Variants in HMGA2 observed in about 807,000 individuals in gnomAD.
HMGA2 encodes high mobility group protein HMGI-C.
In HMGA2, 8 loss-of-function variants were observed where a neutral mutation model predicts 19.1. The observed-to-expected ratio is 0.42, with a 90% confidence interval of 0.25 to 0.76. The LOEUF is 0.76. Ranked by LOEUF, HMGA2 falls within the 30% of genes least tolerant of loss-of-function variation. HMGA2 has a pLI of 0.28. For synonymous variants in HMGA2, 60 were observed against 48.8 expected (o/e 1.23, Z -0.96); for missense variants, 109 against 136.3 (o/e 0.80, Z 1.00).
Position 65,951,428 on chromosome 12 carries a change from C to A in HMGA2, c.282+13C>A. ...GAAGCCTGCTCAGGTAAGACATAGT[C>A]ATTAATTTTTTTCTCCCAATTAATA... On this transcript the variant is annotated intron_variant, in intron 4 of 4. Coordinates refer to ENST00000403681, the MANE Select transcript of HMGA2 (RefSeq NM_003483.6). 6.6e-7 allele frequency: 1 copy of A among 1,508,046 alleles called. No homozygotes were observed. Among genetic ancestry groups the A allele is most frequent in the South Asian group, 1.2e-5 (1 of 81,208 alleles). 93.4% of individuals were successfully genotyped at this position (1,508,046 alleles called of 1,614,324 possible).
rs1180942808 is a variant in HMGA2 at position 65,888,554 on chromosome 12, C to CTTTT, written c.249+50009_249+50012dup. On this transcript the variant is annotated intron_variant, in intron 3 of 4. Transcript: ENST00000403681. ...AGGAATAGAGTGCCCGTGGTGTGCTCTTTTTTTTTTTTTTTTTTTTTTTTT... is the reference window on the plus strand; with the variant it reads ...AGGAATAGAGTGCCCGTGGTGTGCTCTTTTTTTTTTTTTTTTTTTTTTTTTTTTT... Among the ~76,000 whole-genome samples the CTTTT allele has an allele frequency of 6.7e-3, 270 of 40,580 alleles. 100 individuals carry two copies. The highest frequency in any genetic ancestry group is 0.016 in the African/African-American group (160 of 9,950). The allele number at this position is 40,580 out of a possible 152,430, so 26.6% of individuals were successfully genotyped here. A position where few individuals can be genotyped will look rare whatever the true frequency, so the allele number is the denominator to read the frequency against.
intron 3 of HMGA2, among the ~76,000 whole-genome samples, chr12:65,878,388 G>A (rs1873169921): frequency 6.6e-6 from 1 of 152,194 alleles, no homozygotes; most frequent in Non-Finnish European, 1.5e-5. Flanking sequence ...TAATACATGT[G>A]TAATAGTAAA....
intron 2 of HMGA2, among the ~76,000 whole-genome samples, chr12:65,834,399 C>T (rs1406035110): frequency 6.6e-6 from 1 of 152,160 alleles, no homozygotes; most frequent in Non-Finnish European, 1.5e-5. Flanking sequence ...TTCTTCTTTG[C>T]TAAATGAGAG....
intron 3 of HMGA2, among the ~76,000 whole-genome samples, chr12:65,864,830 C>T (rs1458526094): frequency 6.6e-6 from 1 of 152,028 alleles, no homozygotes; most frequent in African/African-American, 2.4e-5. Flanking sequence ...TCCATTTTTT[C>T]ACTTCAGCTC....
chr12:65,846,289 T>C (rs1425856896), intron 3 of HMGA2, among the ~76,000 whole-genome samples: 1 of 152,232 alleles, frequency 6.6e-6, no homozygotes, highest in East Asian at 1.9e-4. Flanking sequence ...GAATGGCTGC[T>C]GGTCAAGCTT....
At chr12:65,850,655 A>G (rs146954558) in intron 3 of HMGA2, among the ~76,000 whole-genome samples, 35 of 152,278 alleles carry the variant, frequency 2.3e-4, no homozygotes, top group African/African-American at 8.2e-4. Context: ...TTATATCCAT[A>G]AGGCAAACAC....
rs11175962 is a variant in HMGA2 at position 65,921,164 on chromosome 12, T to C, written c.250-30219T>C. Among the ~76,000 whole-genome samples, 351 of 152,326 alleles carry C rather than the reference T, an allele frequency of 2.3e-3. 3 individuals carry two copies. Among genetic ancestry groups the C allele is most frequent in the African/African-American group, 7.8e-3 (324 of 41,574 alleles). ...CTAGAGATTTGTGGAACTTTGAACTTGAGAGAGATGATTTAGAGTATCTTG... is the reference window on the plus strand; with the variant it reads ...CTAGAGATTTGTGGAACTTTGAACTCGAGAGAGATGATTTAGAGTATCTTG... On this transcript the variant is annotated intron_variant, in intron 3 of 4. Coordinates refer to ENST00000403681, the MANE Select transcript of HMGA2 (RefSeq NM_003483.6).
intron 2 of HMGA2, 141 bp downstream of exon 2, chr12:65,828,228 T>C (rs955005096): frequency 1.0e-5 from 7 of 702,482 alleles, no homozygotes; most frequent in Non-Finnish European, 1.3e-5. Context: ...CATTTAACAT[T>C]AGTTAGATGC....
chr12:65,881,791 G>A (rs548052021), intron 3 of HMGA2: 9 of 703,080 alleles, frequency 1.3e-5, no homozygotes, highest in African/African-American at 8.7e-5. Context: ...TGCTGATCCC[G>A]GAACTGGCCT....
At chr12:65,940,781 G>GCAAAA in intron 3 of HMGA2, among the ~76,000 whole-genome samples, 1 of 152,142 alleles carries the variant, frequency 6.6e-6, no homozygotes, top group Non-Finnish European at 1.5e-5. Context: ...GTCAATTACT[G>GCAAAA]TCTTTTGGAT....
chr12:65,961,854 T>C (rs1412190532), intron 4 of HMGA2, among the ~76,000 whole-genome samples: 1 of 152,082 alleles, frequency 6.6e-6, no homozygotes, highest in Non-Finnish European at 1.5e-5. Flanking sequence ...GCATCACACA[T>C]GGTAGCATTT....
intron 3 of HMGA2, among the ~76,000 whole-genome samples, chr12:65,847,894 A>G (rs1871295301): frequency 6.6e-6 from 1 of 152,150 alleles, no homozygotes; most frequent in Admixed American, 6.6e-5. Flanking sequence ...TTTTCCAGTA[A>G]TGAATGTGGA....
At position 65,966,162 on chromosome 12, in the gene HMGA2, A is replaced by G. The variant is rs566451819; in HGVS notation, c.*2870A>G. 19 of 204,364 alleles carry G rather than the reference A, an allele frequency of 9.3e-5. No individual in the cohort carries two copies. The highest frequency in any genetic ancestry group is 4.3e-4 in the African/African-American group (19 of 43,788). 12.7% of individuals were successfully genotyped at this position (204,364 alleles called of 1,614,324 possible). A position where few individuals can be genotyped will look rare whatever the true frequency, so the allele number is the denominator to read the frequency against. On this transcript the variant is annotated 3_prime_UTR_variant, in exon 5 of 5. Coordinates refer to ENST00000403681, the MANE Select transcript of HMGA2 (RefSeq NM_003483.6). ...TTTGAATCGCTTGCTTGTTGAAAATATTTCTCTAGTGTATTATCACTGTCT... is the reference window on the plus strand; with the variant it reads ...TTTGAATCGCTTGCTTGTTGAAAATGTTTCTCTAGTGTATTATCACTGTCT...
chr12:65,862,781 C>T (rs538285670), intron 3 of HMGA2, among the ~76,000 whole-genome samples: 1 of 152,092 alleles, frequency 6.6e-6, no homozygotes, highest in African/African-American at 2.4e-5. Context: ...GTAGCTGAAG[C>T]CATGGCTGTG....
rs183460680 is a variant in HMGA2, at chr12:65,824,836, C to G, written c.-435C>G. On this transcript the variant is annotated 5_prime_UTR_variant, in exon 1 of 5. Transcript: ENST00000403681. ...AACATTTCAAGGGACACAATTCACT[C>G]CAAGTCTCTTCCCTTTCCAAGCCGC... 5.5e-4 allele frequency: 138 copies of G among 249,206 alleles called. 2 individuals carry two copies. The highest frequency in any genetic ancestry group is 4.6e-3 in the Middle Eastern group (4 of 866). The allele number at this position is 249,206 out of a possible 1,614,324, so 15.4% of individuals were successfully genotyped here. A position where few individuals can be genotyped will look rare whatever the true frequency, so the allele number is the denominator to read the frequency against.
In HMGA2 at chr12:65,839,188, C is replaced by T. The variant is rs2120876588; in HGVS notation, c.249+619C>T. Among the ~76,000 whole-genome samples, 3 of 152,056 alleles carry T rather than the reference C, an allele frequency of 2.0e-5. No individual in the cohort carries two copies. The South Asian group carries it at 6.2e-4, about 32-fold the overall frequency. On this transcript the variant is annotated intron_variant, in intron 3 of 4. Coordinates refer to ENST00000403681, the MANE Select transcript of HMGA2 (RefSeq NM_003483.6). Reference sequence around the variant, plus strand: ...CTGTATCCATACAAGTGCACCTGATCCTATAGGCACACAGATCCTGTATCT... The same window carrying T: ...CTGTATCCATACAAGTGCACCTGATTCTATAGGCACACAGATCCTGTATCT...
At chr12:65,828,370 T>TGG (rs1329874340) in intron 2 of HMGA2, 209 of 94,170 alleles carry the variant, frequency 2.2e-3, no homozygotes, top group African/African-American at 0.015. Context: ...AGGAAGGGGT[T>TGG]GCGGGGGGGG....
In HMGA2 at chr12:65,825,519, C is replaced by A. The variant is rs567558552; in HGVS notation, c.111+138C>A. 5.6e-6 allele frequency: 2 copies of A among 355,030 alleles called. No homozygotes were observed. The highest frequency in any genetic ancestry group is 8.8e-6 in the Non-Finnish European group (2 of 226,524). 22.0% of individuals were successfully genotyped at this position (355,030 alleles called of 1,614,324 possible). A position where few individuals can be genotyped will look rare whatever the true frequency, so the allele number is the denominator to read the frequency against. The stretch of plus-strand genomic sequence containing the variant: ...CTGCCCGCCGGCCGGCCGGGGGGAG[C>A]GGCGCAGACCCCACGAGTGCGCCGC... On this transcript the variant is annotated intron_variant, in intron 1 of 4. Transcript: ENST00000403681. The surrounding 1 kb of genome is among the most constrained non-coding windows in gnomAD (Gnocchi z 4.4).
Position 65,905,465 on chromosome 12 carries a change from T to C in HMGA2, c.250-45918T>C, listed in dbSNP as rs553293703. ...AAAAAAAATTACCAATATTCAAATA[T>C]TTTGATTGTTCATTATTACAGTTTT... On this transcript the variant is annotated intron_variant, in intron 3 of 4. Transcript: ENST00000403681. 2.6e-5 allele frequency among the ~76,000 whole-genome samples: 4 copies of C among 152,274 alleles called. No homozygotes were observed. In the South Asian group the frequency reaches 8.3e-4, roughly 32 times the overall value.
Sources: allele counts gnomAD v4.1 joint callset (sites outside exome capture counted in the v4.1 genomes callset), GRCh38; gene constraint gnomAD v4.1.1; non-coding constraint Gnocchi (gnomAD v3.1); transcripts MANE v1.5; gene names NCBI Gene and HGNC (gene_info 2026-07-23, HGNC 2026-07-21).